SRC: variants seen among roughly 807,000 people sequenced by gnomAD.
SRC encodes the protein proto-oncogene tyrosine-protein kinase Src.
In SRC, 13 loss-of-function variants were observed where a neutral mutation model predicts 62.9. The ratio of observed to expected loss-of-function variants is 0.21; its 90% CI spans 0.13 to 0.33. The LOEUF is 0.33. SRC is among the 10% of genes least tolerant of loss of function. The pLI, the probability that SRC is intolerant of heterozygous loss-of-function variation, is 1.00. For missense variants in SRC, 457 were observed against 737.3 expected (o/e 0.62, Z 4.40); for synonymous variants, 302 against 317.5 (o/e 0.95, Z 0.52).
chr20:37,373,626 CT>C (rs1178716995), intron 2 of SRC, among the ~76,000 whole-genome samples: 1 of 152,114 alleles, frequency 6.6e-6, no homozygotes, highest in Admixed American at 6.5e-5. Flanking sequence ...CTTTTTAGAG[CT>C]TTATTGTTTG....
Position 37,396,135 on chromosome 20 carries a change from G to A in SRC, c.554-27G>A. 6.2e-7 allele frequency: 1 copy of A among 1,607,146 alleles called. No homozygotes were observed. The highest frequency in any genetic ancestry group is 1.3e-5 in the African/African-American group (1 of 74,986). On this transcript the variant is annotated intron_variant, in intron 7 of 13. Coordinates refer to ENST00000373578, the MANE Select transcript of SRC (RefSeq NM_198291.3). The surrounding 1 kb of genome is among the most constrained non-coding windows in gnomAD (Gnocchi z 6.1). ...GCCTGCGGGGGGAGAGGGCATGGCG[G>A]TCACGGCTCCCCTCGGTGCCCCGCA...
rs73299319 is a variant in SRC at position 37,382,326 on chromosome 20, T to G, written c.-172-293T>G. ...CGGCACAGAGAGAAGTTAAGTCACA[T>G]GCCTAAGGTTACACAGCTATTTAGG... On this transcript the variant is annotated intron_variant, in intron 2 of 13. Coordinates refer to ENST00000373578, the MANE Select transcript of SRC (RefSeq NM_198291.3). 2.0e-5 allele frequency among the ~76,000 whole-genome samples: 3 copies of G among 152,274 alleles called. No individual in the cohort carries two copies. The East Asian group carries it at 5.8e-4, about 29-fold the overall frequency.
intron 1 of SRC, among the ~76,000 whole-genome samples, chr20:37,347,803 C>T (rs2069745003): frequency 6.6e-6 from 1 of 152,176 alleles, no homozygotes; most frequent in Non-Finnish European, 1.5e-5. Flanking sequence ...GGGGAAGTGA[C>T]TTGACCAAGG....
chr20:37,371,832 G>C (rs1004669828), intron 2 of SRC, among the ~76,000 whole-genome samples: 2 of 135,794 alleles, frequency 1.5e-5, no homozygotes, highest in African/African-American at 7.1e-5. Flanking sequence ...CTCCCAAGTA[G>C]CTGGGATTAC....
At position 37,368,473 on chromosome 20, in the gene SRC, A is replaced by C. The variant is rs141627332; in HGVS notation, c.-173+3196A>C. Among the ~76,000 whole-genome samples, 191 of 148,396 alleles carry C rather than the reference A, an allele frequency of 1.3e-3. 1 individual carries two copies. The highest frequency in any genetic ancestry group is 0.01 in the Middle Eastern group (3 of 292). On this transcript the variant is annotated intron_variant, in intron 2 of 13. Transcript: ENST00000373578. Reference sequence around the variant, plus strand: ...CAAATAAACCAACCAAACAAACAAAAAAAGAAATCATAATCCAAGGTCATA... The same window carrying C: ...CAAATAAACCAACCAAACAAACAAACAAAGAAATCATAATCCAAGGTCATA...
intron 1 of SRC, among the ~76,000 whole-genome samples, chr20:37,364,508 G>A (rs893470257): frequency 2.0e-5 from 3 of 152,252 alleles, no homozygotes; most frequent in East Asian, 1.9e-4. Context: ...GGCGTGGCAG[G>A]AGGACCCCTC....
chr20:37,397,567 C>G lies in SRC; in HGVS notation c.704-132C>G. 7.9e-7 allele frequency: 1 copy of G among 1,260,126 alleles called. No homozygotes were observed. Among genetic ancestry groups the G allele is most frequent in the Non-Finnish European group, 1.1e-6 (1 of 947,470 alleles). 78.1% of individuals were successfully genotyped at this position (1,260,126 alleles called of 1,614,324 possible). A position where few individuals can be genotyped will look rare whatever the true frequency, so the allele number is the denominator to read the frequency against. ...GGCTGTGTGCACACAGATGTAGATG[C>G]CTGGCTTTGAGGGCACCCTGCGTGT... On this transcript the variant is annotated intron_variant, in intron 8 of 13. Coordinates refer to ENST00000373578, the MANE Select transcript of SRC (RefSeq NM_198291.3). The surrounding 1 kb of genome is among the most constrained non-coding windows in gnomAD (Gnocchi z 4.1).
Position 37,396,247 on chromosome 20 carries a change from C to T in SRC, c.639C>T (p.Gly213=), listed in dbSNP as rs552257542. The T allele has an allele frequency of 7.4e-6, 12 of 1,613,976 alleles. No homozygotes were observed. The highest frequency in any genetic ancestry group is 2.2e-5 in the South Asian group (2 of 91,082). The change falls in exon 8 of 14, where the codon GGC becomes GGT. Residue 213 remains glycine (G), a synonymous_variant. Coordinates refer to ENST00000373578, the MANE Select transcript of SRC (RefSeq NM_198291.3). This position sits in a 1 kb window ranked among gnomAD's most constrained non-coding sequence, Gnocchi z 6.1. The part of the protein sequence containing the change: ...KHYKIRKLDS[G]GFYITSRTQF... Reference sequence around the variant, plus strand: ...ACAAGATCCGCAAGCTGGACAGCGGCGGCTTCTACATCACCTCCCGCACCC... The same window carrying T: ...ACAAGATCCGCAAGCTGGACAGCGGTGGCTTCTACATCACCTCCCGCACCC...
intron 2 of SRC, among the ~76,000 whole-genome samples, chr20:37,369,984 G>A (rs1235120540): frequency 2.0e-5 from 3 of 152,062 alleles, no homozygotes; most frequent in African/African-American, 7.2e-5. Context: ...ATTTTTAGTA[G>A]AGATGAGATT....
At chr20:37,373,337 T>C (rs567462421) in intron 2 of SRC, among the ~76,000 whole-genome samples, 38 of 151,424 alleles carry the variant, frequency 2.5e-4, no homozygotes, top group East Asian at 9.7e-4. Flanking sequence ...TACACACATG[T>C]ACACACACAT....
intron 2 of SRC, among the ~76,000 whole-genome samples, chr20:37,378,098 T>G (rs2070304081): frequency 6.6e-6 from 1 of 150,956 alleles, no homozygotes; most frequent in Non-Finnish European, 1.5e-5. Flanking sequence ...TTTTGAGACA[T>G]GGTCTCACTG....
intron 3 of SRC, among the ~76,000 whole-genome samples, chr20:37,383,205 G>C (rs148528694): frequency 1.3e-3 from 192 of 152,334 alleles, no homozygotes; most frequent in East Asian, 2.5e-3. Flanking sequence ...CCAGTGAAAG[G>C]ATTTGGGGAA....
chr20:37,345,980 C>T (rs1216252463), upstream of SRC, among the ~76,000 whole-genome samples: 1 of 150,510 alleles, frequency 6.6e-6, no homozygotes, highest in Non-Finnish European at 1.5e-5. Flanking sequence ...GGGAATCCGT[C>T]CCCGCGCGCT....
At chr20:37,354,966 G>A (rs965676975) in intron 1 of SRC, among the ~76,000 whole-genome samples, 6 of 152,186 alleles carry the variant, frequency 3.9e-5, no homozygotes, top group African/African-American at 1.2e-4. Context: ...CTGTGAGGAC[G>A]GGTAGGATCC....
At position 37,373,399 on chromosome 20, in the gene SRC, A is replaced by G. The variant is rs144336546; in HGVS notation, c.-173+8122A>G. On this transcript the variant is annotated intron_variant, in intron 2 of 13. Coordinates refer to ENST00000373578, the MANE Select transcript of SRC (RefSeq NM_198291.3). ...ATGTACATTATACACATATATGCGT[A>G]TATATACGCATATATACGCATATAT... is the stretch of plus-strand genomic sequence containing the variant. Among the ~76,000 whole-genome samples, 181 of 148,516 alleles carry G rather than the reference A, an allele frequency of 1.2e-3. No homozygotes were observed. The South Asian group carries it at 0.016, about 13-fold the overall frequency.
rs1353445364 is a variant in SRC, at chr20:37,403,690, C to A, written c.*311C>A. 7.1e-6 allele frequency: 3 copies of A among 424,954 alleles called. No individual in the cohort carries two copies. The highest frequency in any genetic ancestry group is 1.3e-5 in the Non-Finnish European group (3 of 231,802). The allele number at this position is 424,954 out of a possible 1,614,324, so 26.3% of individuals were successfully genotyped here. Reference sequence around the variant, plus strand: ...GAGGAACCAGGAGAAGGGCTGGGGCCGGGGCTGAGGGTGCCCTTTTCCAGC... The same window carrying A: ...GAGGAACCAGGAGAAGGGCTGGGGCAGGGGCTGAGGGTGCCCTTTTCCAGC... On this transcript the variant is annotated 3_prime_UTR_variant, in exon 14 of 14. Coordinates refer to ENST00000373578, the MANE Select transcript of SRC (RefSeq NM_198291.3). This position sits in a 1 kb window ranked among gnomAD's most constrained non-coding sequence, Gnocchi z 7.1.
chr20:37,379,895 C>CAT (rs2070336098), intron 2 of SRC, among the ~76,000 whole-genome samples: 4 of 41,062 alleles, frequency 9.7e-5, no homozygotes, highest in Non-Finnish European at 2.1e-4. Flanking sequence ...GACTCCATTT[C>CAT]AAAAAAAAAA....
chr20:37,358,421 A>T (rs2069915115), intron 1 of SRC, among the ~76,000 whole-genome samples: 1 of 152,182 alleles, frequency 6.6e-6, no homozygotes, highest in Non-Finnish European at 1.5e-5. Context: ...CTTTCCACAC[A>T]GGGAAACTGA....
upstream of SRC, among the ~76,000 whole-genome samples, chr20:37,345,614 G>C (rs1176799491): frequency 1.3e-5 from 2 of 152,218 alleles, no homozygotes; most frequent in East Asian, 3.8e-4. Context: ...CCAAGGCCTG[G>C]TTCTTGTCAG....
Sources: allele counts gnomAD v4.1 joint callset (sites outside exome capture counted in the v4.1 genomes callset), GRCh38; gene constraint gnomAD v4.1.1; non-coding constraint Gnocchi (gnomAD v3.1); transcripts MANE v1.5; gene names NCBI Gene and HGNC (gene_info 2026-07-23, HGNC 2026-07-21).